TNFSF11: variants seen among roughly 807,000 people sequenced by gnomAD.
TNFSF11 encodes the protein tumor necrosis factor ligand superfamily member 11.
Under a neutral mutation model 32.2 loss-of-function variants are expected in TNFSF11, and 12 were observed. The ratio of observed to expected loss-of-function variants is 0.37; its 90% CI spans 0.24 to 0.60. The LOEUF is 0.60. TNFSF11 is among the 20% of genes least tolerant of loss of function. The pLI, the probability that TNFSF11 is intolerant of heterozygous loss-of-function variation, is 0.66. For synonymous variants in TNFSF11, 172 were observed against 152.1 expected (o/e 1.13, Z -0.96); for missense variants, 345 against 398.0 (o/e 0.87, Z 1.13).
At chr13:42,581,051 T>C (rs12721447) in intron 1 of TNFSF11, 75 bp from the exon 2 acceptor site, 1 of 1,544,434 alleles carries the variant, frequency 6.5e-7, no homozygotes, top group Non-Finnish European at 8.9e-7. Context: ...TTTTTTGTTC[T>C]TAAGTCACAC....
At chr13:42,602,071 T>G (rs1869205924) in intron 4 of TNFSF11, among the ~76,000 whole-genome samples, 3 of 152,178 alleles carry the variant, frequency 2.0e-5, no homozygotes, top group Admixed American at 2.0e-4. Context: ...GCCCTTATGT[T>G]TCTCTTTTCC....
chr13:42,580,585 A>G (rs1016299988), intron 1 of TNFSF11, among the ~76,000 whole-genome samples: 3 of 152,168 alleles, frequency 2.0e-5, no homozygotes, highest in Non-Finnish European at 4.4e-5. Context: ...TTTGGAGGTA[A>G]AAAAGTGGAT....
At position 42,601,974 on chromosome 13, in the gene TNFSF11, C is replaced by T. The variant is rs140244021; in HGVS notation, c.532+993C>T. Among the ~76,000 whole-genome samples the T allele has an allele frequency of 4.1e-4, 63 of 152,330 alleles. 2 individuals carry two copies. The South Asian group carries it at 6.0e-3, about 15-fold the overall frequency. ...ATTCCCGTCCCGTTGATTGCTAAGTCCGTGCTTTCCATGCTCTCTATTATC... is the reference window on the plus strand; with the variant it reads ...ATTCCCGTCCCGTTGATTGCTAAGTTCGTGCTTTCCATGCTCTCTATTATC... On this transcript the variant is annotated intron_variant, in intron 4 of 4. Transcript: ENST00000398795.
chr13:42,593,846 C>T (rs1438754110), intron 2 of TNFSF11, among the ~76,000 whole-genome samples: 1 of 152,194 alleles, frequency 6.6e-6, no homozygotes, highest in Non-Finnish European at 1.5e-5. Context: ...GAGGCAGCCA[C>T]CTGAGACCCC....
intron 2 of TNFSF11, among the ~76,000 whole-genome samples, chr13:42,590,170 A>G (rs999943985): frequency 6.6e-6 from 1 of 152,254 alleles, no homozygotes; most frequent in Admixed American, 6.5e-5. Context: ...GTGCTCAGTG[A>G]AAGTTTAAAG....
chr13:42,599,030 C>G (rs535475517), intron 2 of TNFSF11, among the ~76,000 whole-genome samples: 13 of 152,270 alleles, frequency 8.5e-5, no homozygotes, highest in African/African-American at 3.1e-4. Context: ...GCCCTGCACA[C>G]GGCACTCCCA....
chr13:42,594,761 A>G (rs768247409), intron 2 of TNFSF11, among the ~76,000 whole-genome samples: 1 of 152,216 alleles, frequency 6.6e-6, no homozygotes, highest in Non-Finnish European at 1.5e-5. Flanking sequence ...GCTGGTCTCA[A>G]TGGACCAGAG....
At chr13:42,602,753 A>G (rs540378209) in intron 4 of TNFSF11, among the ~76,000 whole-genome samples, 3 of 152,346 alleles carry the variant, frequency 2.0e-5, no homozygotes, top group Admixed American at 1.3e-4. Flanking sequence ...AGGCAGTCAA[A>G]TTAATACTAA....
chr13:42,601,398 AC>A (rs1218471389), intron 4 of TNFSF11, among the ~76,000 whole-genome samples: 4 of 152,182 alleles, frequency 2.6e-5, no homozygotes, highest in Admixed American at 2.6e-4. Flanking sequence ...GACACTTTAG[AC>A]CCCCGTTAAG....
chr13:42,599,776 G>A (rs1402085394), intron 2 of TNFSF11, among the ~76,000 whole-genome samples: 1 of 152,022 alleles, frequency 6.6e-6, no homozygotes, highest in Non-Finnish European at 1.5e-5. Flanking sequence ...CACTGTGTTG[G>A]CCCAGCTGAT....
intron 4 of TNFSF11, among the ~76,000 whole-genome samples, chr13:42,605,004 C>T (rs892157357): frequency 2.6e-5 from 4 of 151,998 alleles, no homozygotes; most frequent in Non-Finnish European, 5.9e-5. Flanking sequence ...AGGCTGGTCT[C>T]GAACTCCCGA....
chr13:42,603,952 T>C (rs1281098261), intron 4 of TNFSF11, among the ~76,000 whole-genome samples: 1 of 152,124 alleles, frequency 6.6e-6, no homozygotes, highest in Non-Finnish European at 1.5e-5. Flanking sequence ...AATAGAGAGA[T>C]GTTTAGTAGG....
rs199827201 is a variant in TNFSF11, at chr13:42,574,288, G to C, written c.-16G>C. ...GGGAGAGGGAGGAGAGCTCCGAAGCGAGAGGGCCGAGCGCCATGCGCCGCG... is the reference window on the plus strand; with the variant it reads ...GGGAGAGGGAGGAGAGCTCCGAAGCCAGAGGGCCGAGCGCCATGCGCCGCG... On this transcript the variant is annotated 5_prime_UTR_variant, in exon 1 of 5. Coordinates refer to ENST00000398795, the MANE Select transcript of TNFSF11 (RefSeq NM_003701.4). 56 of 1,546,246 alleles carry C rather than the reference G, an allele frequency of 3.6e-5. 1 individual carries two copies. The highest frequency in any genetic ancestry group is 7.8e-5 in the Admixed American group (4 of 50,976).
In TNFSF11 at chr13:42,607,493, G is replaced by A. The variant is rs1478640146; in HGVS notation, c.*575G>A. On this transcript the variant is annotated 3_prime_UTR_variant, in exon 5 of 5. Transcript: ENST00000398795. ...AAATATTTAAAAATGTCTTGCTGTT[G>A]ACATATTTAATGTTTTAAATGTACA... 1 of 152,712 alleles carries A rather than the reference G, an allele frequency of 6.5e-6. No individual in the cohort carries two copies. The highest frequency in any genetic ancestry group is 1.5e-5 in the Non-Finnish European group (1 of 68,072). 9.5% of individuals were successfully genotyped at this position (152,712 alleles called of 1,614,324 possible).
At chr13:42,589,809 C>A (rs1289026061) in intron 2 of TNFSF11, among the ~76,000 whole-genome samples, 1 of 152,248 alleles carries the variant, frequency 6.6e-6, no homozygotes, top group Non-Finnish European at 1.5e-5. Flanking sequence ...CTCCTAGCCT[C>A]CATCGGTAAA....
At chr13:42,564,301 C>T (rs2137839764) in intron 1 of TNFSF11, among the ~76,000 whole-genome samples, 1 of 152,276 alleles carries the variant, frequency 6.6e-6, no homozygotes, top group East Asian at 1.9e-4. Flanking sequence ...GGCACGGTGG[C>T]TCACACCTGT....
At chr13:42,576,351 C>A (rs1160128428) in intron 1 of TNFSF11, among the ~76,000 whole-genome samples, 2 of 152,056 alleles carry the variant, frequency 1.3e-5, no homozygotes, top group East Asian at 3.9e-4. Context: ...CCTAGGAATT[C>A]TCGGTGGTCC....
intron 2 of TNFSF11, among the ~76,000 whole-genome samples, chr13:42,588,108 A>G (rs1489566024): frequency 1.3e-5 from 2 of 152,226 alleles, no homozygotes; most frequent in East Asian, 3.8e-4. Context: ...ATAGGATTTC[A>G]TCTCTGTTTG....
intron 2 of TNFSF11, among the ~76,000 whole-genome samples, chr13:42,599,328 T>A (rs1869002881): frequency 7.0e-6 from 1 of 142,934 alleles, no homozygotes; most frequent in Non-Finnish European, 1.5e-5. Flanking sequence ...TATCTATCTA[T>A]CTATCTATCT....
Sources: allele counts gnomAD v4.1 joint callset (sites outside exome capture counted in the v4.1 genomes callset), GRCh38; gene constraint gnomAD v4.1.1; transcripts MANE v1.5; gene names NCBI Gene and HGNC (gene_info 2026-07-23, HGNC 2026-07-21).